The following NTHL1 variants were observed in gnomAD, a reference collection of about 807,000 sequenced individuals.
NTHL1 encodes the protein endonuclease III-like protein 1.
NTHL1 carries 32 observed loss-of-function variants against 32.3 expected under a neutral mutation model. The observed-to-expected ratio is 0.99, with a 90% CI of 0.75 to 1.33. The LOEUF is 1.33. NTHL1 is among the 40% of genes most tolerant of loss of function. The probability of loss-of-function intolerance (pLI) is 0.00; values close to 1 mark genes in which losing one functional copy is unlikely to be tolerated. For synonymous variants in NTHL1, 188 were observed against 176.9 expected (o/e 1.06, Z -0.50); for missense variants, 501 against 414.1 (o/e 1.21, Z -1.82).
chr16:2,041,383 A>G (rs1231567908), intron 4 of NTHL1, among the ~76,000 whole-genome samples: 1 of 152,118 alleles, frequency 6.6e-6, no homozygotes, highest in East Asian at 1.9e-4. Context: ...GGCCTGGCCC[A>G]GAGTCACCCA....
chr16:2,047,690 A>G lies in NTHL1; in HGVS notation c.115+19T>C. The G allele has an allele frequency of 6.4e-7, 1 of 1,566,420 alleles. No homozygotes were observed. ...CCTATCCCGCCTCCTCCCACGCTCC[A>G]GCCACGGCGCGGCGCTACCTGCTGC... On this transcript the variant is annotated intron_variant, in intron 1 of 5. Coordinates refer to ENST00000651570, the MANE Select transcript of NTHL1 (RefSeq NM_002528.7).
In NTHL1 at chr16:2,043,770, C is replaced by G. The variant is rs2233521; in HGVS notation, c.526-44G>C. ...TTCAGCCTTGGAGGCAAGGGCACAGCCCAACCTGGGAGGATGCAGCCCCCA... is the reference window on the plus strand; with the variant it reads ...TTCAGCCTTGGAGGCAAGGGCACAGGCCAACCTGGGAGGATGCAGCCCCCA... On this transcript the variant is annotated intron_variant, in intron 3 of 5. Transcript: ENST00000651570. This position sits in a 1 kb window ranked among gnomAD's most constrained non-coding sequence, Gnocchi z 4.4. 6.1e-4 allele frequency: 976 copies of G among 1,606,280 alleles called. 1 individual carries two copies. Among genetic ancestry groups the G allele is most frequent in the Non-Finnish European group, 7.8e-4 (917 of 1,179,266 alleles).
chr16:2,047,470 T>C (rs1332811732), intron 1 of NTHL1: 2 of 648,448 alleles, frequency 3.1e-6, no homozygotes, highest in African/African-American at 1.9e-5. Context: ...GGAAGCGTTT[T>C]CTTGCTTGGG....
Position 2,043,397 on chromosome 16 carries a change from G to T in NTHL1, c.685+170C>A. 1.2e-6 allele frequency: 1 copy of T among 869,454 alleles called. No homozygotes were observed. The highest frequency in any genetic ancestry group is 2.7e-5 in the East Asian group (1 of 37,518). The allele number at this position is 869,454 out of a possible 1,614,324, so 53.9% of individuals were successfully genotyped here. A position where few individuals can be genotyped will look rare whatever the true frequency, so the allele number is the denominator to read the frequency against. On this transcript the variant is annotated intron_variant, in intron 4 of 5. Coordinates refer to ENST00000651570, the MANE Select transcript of NTHL1 (RefSeq NM_002528.7). This position sits in a 1 kb window ranked among gnomAD's most constrained non-coding sequence, Gnocchi z 4.4. ...TCAGCCCATGTGACCTCCTGCCCCA[G>T]CACCTGTCTCTGAGTGGGGCTGGCC... is the stretch of plus-strand genomic sequence containing the variant.
chr16:2,041,977 T>G (rs2084273526), intron 4 of NTHL1: 9 of 452,254 alleles, frequency 2.0e-5, no homozygotes, highest in South Asian at 1.4e-4. Flanking sequence ...GATCTTGAAC[T>G]CCTGACCTCA....
At chr16:2,046,418 G>A (rs1251739301) in intron 1 of NTHL1, 52 bp from the exon 2 acceptor site, 16 of 1,542,990 alleles carry the variant, frequency 1.0e-5, no homozygotes, top group Non-Finnish European at 1.4e-5. Flanking sequence ...TGAAGGTAGG[G>A]TAGGGGTGCC....
chr16:2,047,765 C>T lies in NTHL1; in HGVS notation c.59G>A (p.Gly20Glu), dbSNP rs1430939825. The T allele has an allele frequency of 3.1e-6, 5 of 1,587,336 alleles. No individual in the cohort carries two copies. The highest frequency in any genetic ancestry group is 4.3e-6 in the Non-Finnish European group (5 of 1,172,348). ...TRSRSLGPGA[G>E]PRGCREEPGP... ...GGGCTCCTCCCTACACCCCCGCGGC[C>T]CAGCCCCGGGTCCCAGGCTCCGGCT... The change falls in exon 1 of 6, where the codon GGG becomes GAG. Residue 20 changes from glycine (G) to glutamate (E), a missense_variant. Coordinates refer to ENST00000651570, the MANE Select transcript of NTHL1 (RefSeq NM_002528.7).
rs200279926 is a variant in NTHL1, at chr16:2,039,893, C to T, written c.*31G>A. 213 of 1,598,306 alleles carry T rather than the reference C, an allele frequency of 1.3e-4. No homozygotes were observed. Among genetic ancestry groups the T allele is most frequent in the Non-Finnish European group, 1.6e-4 (193 of 1,179,636 alleles). On this transcript the variant is annotated 3_prime_UTR_variant, in exon 6 of 6. Coordinates refer to ENST00000651570, the MANE Select transcript of NTHL1 (RefSeq NM_002528.7). ...AAAGCCACTTCACAGACGGTGGCCA[C>T]AGCGGCACCTCGGCCAGAGCCATGC...
intron 1 of NTHL1, among the ~76,000 whole-genome samples, 178 bp from the exon 2 acceptor site, chr16:2,046,544 G>A (rs1048394519): frequency 6.6e-6 from 1 of 152,068 alleles, no homozygotes; most frequent in Non-Finnish European, 1.5e-5. Flanking sequence ...TTATGCCAGC[G>A]ACCCTGACAA....
Position 2,046,353 on chromosome 16 carries a change from G to C in NTHL1, c.129C>G (p.Ser43Arg), listed in dbSNP as rs1004057524. ...RREAAAEARK[S>R]HSPVKRPRKA... is the part of the protein sequence containing the mutation. The stretch of plus-strand genomic sequence containing the variant: ...TCCGCGGACGCTTCACGGGGCTGTG[G>C]CTTTTCCTCGCTTCTGCAAAAAGCA... Residue 43 changes from serine to arginine, a missense_variant, in exon 2 of 6, where the codon AGC becomes AGG. Physicochemically the swap from Ser to Arg is moderately radical, Grantham distance 110 (BLOSUM62 -1). Transcript: ENST00000651570. The C allele has an allele frequency of 6.2e-7, 1 of 1,605,202 alleles. No individual in the cohort carries two copies. The highest frequency in any genetic ancestry group is 8.5e-7 in the Non-Finnish European group (1 of 1,174,184).
In NTHL1 at chr16:2,044,583, T is replaced by C. The variant is rs1411887347; in HGVS notation, c.525+47A>G. 5.6e-6 allele frequency: 9 copies of C among 1,596,468 alleles called. No homozygotes were observed. Among genetic ancestry groups the C allele is most frequent in the Non-Finnish European group, 7.6e-6 (9 of 1,179,200 alleles). On this transcript the variant is annotated intron_variant, in intron 3 of 5. Transcript: ENST00000651570. The surrounding 1 kb of genome is among the most constrained non-coding windows in gnomAD (Gnocchi z 5.0). ...ACCCCCCTCAGCCTTCTGAGGTCTC[T>C]CTCAGGCCACTGCCACCCGGCCCCC...
Position 2,044,511 on chromosome 16 carries a change from A to G in NTHL1, c.525+119T>C, listed in dbSNP as rs1031495991. On this transcript the variant is annotated intron_variant, in intron 3 of 5. Coordinates refer to ENST00000651570, the MANE Select transcript of NTHL1 (RefSeq NM_002528.7). This position sits in a 1 kb window ranked among gnomAD's most constrained non-coding sequence, Gnocchi z 5.0. ...ACGGCCTGGGGGGGGCTTCAGGGGGACCCCCCGAGCCTGAGATGCTTGACC... is the reference window on the plus strand; with the variant it reads ...ACGGCCTGGGGGGGGCTTCAGGGGGGCCCCCCGAGCCTGAGATGCTTGACC... 7.5e-7 allele frequency: 1 copy of G among 1,337,278 alleles called. No individual in the cohort carries two copies. The highest frequency in any genetic ancestry group is 1.0e-6 in the Non-Finnish European group (1 of 955,908). The allele number at this position is 1,337,278 out of a possible 1,614,324, so 82.8% of individuals were successfully genotyped here.
In NTHL1 at chr16:2,043,666, T is replaced by G. The variant is rs2150941339; in HGVS notation, c.586A>C (p.Ile196Leu). The change falls in exon 4 of 6, where the codon ATC becomes CTC. Residue 196 changes from isoleucine to leucine, a missense_variant. Ile to Leu is a conservative substitution (Grantham distance 5). Transcript: ENST00000651570. This position sits in a 1 kb window ranked among gnomAD's most constrained non-coding sequence, Gnocchi z 4.4. ...AILQQHYGGD[I>L]PASVAELVAL... ...ACCAGCTCGGCCACAGAGGCTGGGATGTCCCCACCGTAGTGCTGCTGCAGG... is the reference window on the plus strand; with the variant it reads ...ACCAGCTCGGCCACAGAGGCTGGGAGGTCCCCACCGTAGTGCTGCTGCAGG... 2 of 1,612,130 alleles carry G rather than the reference T, an allele frequency of 1.2e-6. No individual in the cohort carries two copies. The highest frequency in any genetic ancestry group is 1.7e-6 in the Non-Finnish European group (2 of 1,179,978).
chr16:2,047,360 T>C, intron 1 of NTHL1: 2 of 348,324 alleles, frequency 5.7e-6, no homozygotes, highest in Non-Finnish European at 1.1e-5. Flanking sequence ...CGTGTGTCCT[T>C]GGCACCCAGC....
In NTHL1 at chr16:2,044,479, G is replaced by A; in HGVS notation, c.525+151C>T. 1 of 944,870 alleles carries A rather than the reference G, an allele frequency of 1.1e-6. No individual in the cohort carries two copies. Among genetic ancestry groups the A allele is most frequent in the East Asian group, 2.6e-5 (1 of 39,074 alleles). The allele number at this position is 944,870 out of a possible 1,614,324, so 58.5% of individuals were successfully genotyped here. A position where few individuals can be genotyped will look rare whatever the true frequency, so the allele number is the denominator to read the frequency against. On this transcript the variant is annotated intron_variant, in intron 3 of 5. Coordinates refer to ENST00000651570, the MANE Select transcript of NTHL1 (RefSeq NM_002528.7). The surrounding 1 kb of genome is among the most constrained non-coding windows in gnomAD (Gnocchi z 5.0). ...TGCTGGGACTGGGCGTCAGGCCTCA[G>A]GGCCCCACGGCCTGGGGGGGGCTTC...
intron 4 of NTHL1, among the ~76,000 whole-genome samples, chr16:2,041,843 C>T (rs932801035): frequency 5.3e-5 from 8 of 152,110 alleles, no homozygotes; most frequent in East Asian, 3.9e-4. Context: ...CTCCTGACCT[C>T]GTGATCTGCC....
intron 5 of NTHL1, 33 bp downstream of exon 5, chr16:2,040,100 C>T (rs1370447721): frequency 6.2e-7 from 1 of 1,612,730 alleles, no homozygotes; most frequent in Non-Finnish European, 8.5e-7. Flanking sequence ...GGGGTGAGCT[C>T]TTCTCCCTAG....
intron 2 of NTHL1, among the ~76,000 whole-genome samples, chr16:2,045,017 A>C (rs1342332551): frequency 6.6e-6 from 1 of 152,208 alleles, no homozygotes; most frequent in Non-Finnish European, 1.5e-5. Context: ...AGTAATGTGA[A>C]GCTTAAATGA....
Sources: allele counts gnomAD v4.1 joint callset (sites outside exome capture counted in the v4.1 genomes callset), GRCh38; gene constraint gnomAD v4.1.1; non-coding constraint Gnocchi (gnomAD v3.1); transcripts MANE v1.5; gene names NCBI Gene and HGNC (gene_info 2026-07-23, HGNC 2026-07-21).